Variants in HDGFL2 observed in about 807,000 individuals in gnomAD.
HDGFL2 encodes hepatoma-derived growth factor-related protein 2.
In HDGFL2, 36 loss-of-function variants were observed where a neutral mutation model predicts 77.1. The observed-to-expected ratio is 0.47, with a 90% CI of 0.36 to 0.62. The LOEUF (loss-of-function observed/expected upper bound fraction) is 0.62, where lower values mean the gene tolerates loss of function less well. HDGFL2 is among the 20% of genes least tolerant of loss of function. The pLI is 0.00. For synonymous variants in HDGFL2, 463 were observed against 413.1 expected, an observed-to-expected ratio of 1.12 and a Z score of -1.46; for missense variants, 976 against 973.4, an observed-to-expected ratio of 1.00 and a Z score of -0.04.
At position 4,476,313 on chromosome 19, in the gene HDGFL2, C is replaced by T. The variant is rs75802995; in HGVS notation, c.288+730C>T. Among the ~76,000 whole-genome samples, 637 of 151,010 alleles carry T rather than the reference C, an allele frequency of 4.2e-3. 6 individuals carry two copies. The highest frequency in any genetic ancestry group is 8.8e-3 in the East Asian group (45 of 5,120). ...GTCCAACTGACTCTGCTGCCTCAGA[C>T]GCCCGAGTTGCTGGGATTACAGGTG... On this transcript the variant is annotated intron_variant, in intron 3 of 15. Coordinates refer to ENST00000616600, the MANE Select transcript of HDGFL2 (RefSeq NM_001001520.3).
intron 15 of HDGFL2, 82 bp from the exon 16 acceptor site, chr19:4,501,829 C>T (rs905833219): frequency 5.2e-5 from 54 of 1,041,870 alleles, no homozygotes; most frequent in Middle Eastern, 3.2e-4. Context: ...GTACACTCCT[C>T]GGTGCCCATC....
chr19:4,478,763 CCT>C (rs1311376840), intron 3 of HDGFL2, among the ~76,000 whole-genome samples: 1 of 151,704 alleles, frequency 6.6e-6, no homozygotes, highest in Non-Finnish European at 1.5e-5. Flanking sequence ...CTCACTGCAA[CCT>C]CTGTCTCCTG....
chr19:4,479,633 T>C (rs939914903), intron 3 of HDGFL2, among the ~76,000 whole-genome samples: 10 of 139,560 alleles, frequency 7.2e-5, no homozygotes, highest in Non-Finnish European at 1.5e-4. Context: ...ACTACAAAAA[T>C]TAGCCACGCT....
Position 4,491,744 on chromosome 19 carries a change from A to G in HDGFL2, c.607-20A>G, listed in dbSNP as rs748100380. ...GGTGGCTGCCAGTGGGCCCCAGTTC[A>G]GCTCACTTCTCTCCCCCAGGACTTC... On this transcript the variant is annotated intron_variant, in intron 5 of 15. Coordinates refer to ENST00000616600, the MANE Select transcript of HDGFL2 (RefSeq NM_001001520.3). The G allele has an allele frequency of 3.2e-5, 51 of 1,613,850 alleles. No individual in the cohort carries two copies. The highest frequency in any genetic ancestry group is 1.7e-4 in the Middle Eastern group (1 of 6,056).
At chr19:4,493,137 A>G (rs1204699818) in intron 6 of HDGFL2, among the ~76,000 whole-genome samples, 11 of 39,120 alleles carry the variant, frequency 2.8e-4, no homozygotes, top group South Asian at 9.8e-4. Flanking sequence ...TGTGTGTGTT[A>G]TCTGTGTCTG....
chr19:4,473,208 A>G (rs8113272), intron 1 of HDGFL2, among the ~76,000 whole-genome samples: 143,528 of 144,460 alleles, frequency 0.99, 71,301 homozygotes, highest in East Asian at 1. Flanking sequence ...CGCCGTGGGG[A>G]TCTGGGGGGT....
chr19:4,494,206 C>T lies in HDGFL2; in HGVS notation c.955C>T (p.Arg319Trp), dbSNP rs1975634763. Reference protein sequence around the residue: ...EVDRISEWKRRDEARRRELEA... With the variant: ...EVDRISEWKRWDEARRRELEA... ...GGACCGCATCAGTGAGTGGAAGCGG[C>T]GGGACGAGGCGCGGAGGCGCGAGCT... Residue 319 changes from arginine (R) to tryptophan (W), a missense_variant, in exon 9 of 16, where the codon CGG becomes TGG. Transcript: ENST00000616600. 6.8e-6 allele frequency: 10 copies of T among 1,472,706 alleles called. No homozygotes were observed. Among genetic ancestry groups the T allele is most frequent in the Admixed American group, 5.3e-5 (2 of 37,836 alleles). The allele number at this position is 1,472,706 out of a possible 1,614,324, so 91.2% of individuals were successfully genotyped here.
intron 6 of HDGFL2, 129 bp downstream of exon 6, chr19:4,491,964 G>C: frequency 1.2e-6 from 1 of 813,354 alleles, no homozygotes; most frequent in Non-Finnish European, 2.0e-6. Flanking sequence ...TACCCGAGGG[G>C]ACCGCCTCTG....
chr19:4,493,722 A>G lies in HDGFL2; in HGVS notation c.698A>G (p.Asp233Gly), dbSNP rs1471556085. The G allele has an allele frequency of 6.8e-7, 1 of 1,481,378 alleles. No individual in the cohort carries two copies. The highest frequency in any genetic ancestry group is 9.0e-7 in the Non-Finnish European group (1 of 1,110,104). 91.8% of individuals were successfully genotyped at this position (1,481,378 alleles called of 1,614,324 possible). The change falls in exon 7 of 16, where the codon GAC becomes GGC. Residue 233 changes from aspartate (D) to glycine (G), a missense_variant. Asp to Gly is a moderately conservative substitution (Grantham distance 94). Around this residue, in one of 5 missense-constraint regions of HDGFL2, gnomAD observed 567 missense variants for 534.7 expected, o/e 1.06. Transcript: ENST00000616600. ...CCCCAGAAGGCGCCATCAGCCTCCG[A>G]CTCCGACTCCAAGGCCGATTCGGAC... ...RKKKKAPSAS[D>G]SDSKADSDGA...
rs577323109 is a variant in HDGFL2, at chr19:4,492,197, GTC to G, written c.678+366_678+367del. ...TGAGCGGATTGTGTGTGTGTGTTCT[GTC>G]TCTGTGCACGTGTGTCGACGTGCAT... On this transcript the variant is annotated intron_variant, in intron 6 of 15. Transcript: ENST00000616600. Among the ~76,000 whole-genome samples the G allele has an allele frequency of 4.3e-4, 65 of 152,178 alleles. No homozygotes were observed. In the South Asian group the frequency reaches 0.012, roughly 29 times the overall value.
chr19:4,492,981 C>T (rs372238192), intron 6 of HDGFL2, among the ~76,000 whole-genome samples: 1 of 94,868 alleles, frequency 1.1e-5, no homozygotes, highest in African/African-American at 4.4e-5. Flanking sequence ...TGTGTGGTGT[C>T]TGTGTGTAGT....
chr19:4,480,190 C>A (rs1402868014), intron 3 of HDGFL2, among the ~76,000 whole-genome samples: 2 of 152,066 alleles, frequency 1.3e-5, no homozygotes, highest in African/African-American at 2.4e-5. Context: ...CCACCTAATA[C>A]ATCCTTGTTG....
At position 4,491,773 on chromosome 19, in the gene HDGFL2, C is replaced by T. The variant is rs1363766810; in HGVS notation, c.616C>T (p.Pro206Ser). The change falls in exon 6 of 16, where the codon CCT (proline) becomes TCT (serine). Residue 206 changes from proline (P) to serine (S), a missense_variant. By Grantham distance (74) the Pro-to-Ser change is moderately conservative. Around this residue, in one of 5 missense-constraint regions of HDGFL2, gnomAD observed 567 missense variants for 534.7 expected, o/e 1.06. Transcript: ENST00000616600. Reference sequence around the variant, plus strand: ...CACTTCTCTCCCCCAGGACTTCACACCTGAGAAGAAAGCAGCGGTCCGGGC... The same window carrying T: ...CACTTCTCTCCCCCAGGACTTCACATCTGAGAAGAAAGCAGCGGTCCGGGC... Reference protein sequence around the residue: ...SEKTSDQDFTPEKKAAVRAPR... With the variant: ...SEKTSDQDFTSEKKAAVRAPR... 6.2e-7 allele frequency: 1 copy of T among 1,614,038 alleles called. No homozygotes were observed. The highest frequency in any genetic ancestry group is 1.1e-5 in the South Asian group (1 of 91,088).
chr19:4,480,893 G>A (rs1341804370), intron 3 of HDGFL2, among the ~76,000 whole-genome samples: 1 of 151,814 alleles, frequency 6.6e-6, no homozygotes, highest in African/African-American at 2.4e-5. Flanking sequence ...GTCTCACTCT[G>A]TTGCCCAGGC....
At chr19:4,487,437 T>TGTAGAGAGG (rs202033144) in intron 3 of HDGFL2, among the ~76,000 whole-genome samples, 2,218 of 152,162 alleles carry the variant, frequency 0.015, 54 homozygotes, top group African/African-American at 0.051. Context: ...GTGCATCTTT[T>TGTAGAGAGG]GTAGAGAGGG....
chr19:4,498,714 C>A, intron 12 of HDGFL2, 100 bp from the exon 13 acceptor site: 1 of 779,640 alleles, frequency 1.3e-6, no homozygotes, highest in Non-Finnish European at 2.2e-6. Flanking sequence ...CAGCTCCCCT[C>A]AAGGAGAGCC....
rs11878277 is a variant in HDGFL2, at chr19:4,498,003, G to A, written c.1374G>A (p.Ser458=). 0.034 allele frequency: 53,053 copies of A among 1,556,370 alleles called. 1,069 individuals carry two copies. Among genetic ancestry groups the A allele is most frequent in the Non-Finnish European group, 0.04 (46,076 of 1,149,598 alleles). ...ERTRKRSEGF[S]MDRKVEKKKE... ...CCCGGAAGCGGTCCGAGGGCTTCTC[G>A]ATGGACAGGAAGGTAGAGAAGAAGA... Residue 458 remains serine (S), a synonymous_variant, in exon 11 of 16, where the codon TCG becomes TCA. Coordinates refer to ENST00000616600, the MANE Select transcript of HDGFL2 (RefSeq NM_001001520.3).
chr19:4,488,212 C>A (rs541231247), intron 3 of HDGFL2, among the ~76,000 whole-genome samples: 39 of 152,336 alleles, frequency 2.6e-4, no homozygotes, highest in Admixed American at 1.8e-3. Context: ...CTCAGGTGAT[C>A]TGCCTGCTGC....
At position 4,498,801 on chromosome 19, in the gene HDGFL2, C is replaced by T. The variant is rs758579471; in HGVS notation, c.1474-13C>T. On this transcript the variant is annotated splice_polypyrimidine_tract_variant and intron_variant, in intron 12 of 15. Transcript: ENST00000616600. ...GGCCAGGCCGTCTCCCTCACTCCCA[C>T]CCCACCCTGCAGGACGTGAAGAGGT... 13 of 1,587,768 alleles carry T rather than the reference C, an allele frequency of 8.2e-6. No homozygotes were observed. In the South Asian group the frequency reaches 1.1e-4, roughly 14 times the overall value.
Sources: gnomAD v4.1 joint callset for allele counts (sites outside exome capture counted in the v4.1 genomes callset) on GRCh38, gnomAD v4.1.1 for gene constraint, gnomAD v4.1.1 regional missense constraint, MANE v1.5 for transcripts, NCBI Gene and HGNC (gene_info 2026-07-23, HGNC 2026-07-21) for gene names.